IPO13: variants seen among roughly 807,000 people sequenced by gnomAD.
IPO13 encodes importin-13.
A neutral mutation model predicts 115.5 loss-of-function variants in IPO13; 28 were observed. The observed-to-expected ratio is 0.24, with a 90% CI of 0.18 to 0.33. IPO13 has a LOEUF of 0.33. Ranked by LOEUF, IPO13 falls within the 10% of genes least tolerant of loss-of-function variation. The pLI is 1.00. For synonymous variants in IPO13, 414 were observed against 478.9 expected, an observed-to-expected ratio of 0.86 and a Z score of 1.77; for missense variants, 785 against 1,204.6, an observed-to-expected ratio of 0.65 and a Z score of 5.16.
intron 11 of IPO13, among the ~76,000 whole-genome samples, chr1:43,959,680 C>A (rs2085276612): frequency 6.6e-6 from 1 of 152,218 alleles, no homozygotes. Context: ...CTCCCCAACC[C>A]AGTTTCAGTT....
intron 14 of IPO13, among the ~76,000 whole-genome samples, chr1:43,963,844 C>A (rs1351330911): frequency 2.0e-5 from 3 of 152,202 alleles, no homozygotes; most frequent in Non-Finnish European, 2.9e-5. Context: ...CCCCCACCCC[C>A]CCACCGCCAT....
Position 43,952,004 on chromosome 1 carries a change from T to C in IPO13, c.821+1851T>C, listed in dbSNP as rs2085212613. Among the ~76,000 whole-genome samples, 1 of 152,166 alleles carries C rather than the reference T, an allele frequency of 6.6e-6. No individual in the cohort carries two copies. Among genetic ancestry groups the C allele is most frequent in the South Asian group, 2.1e-4 (1 of 4,818 alleles). On this transcript the variant is annotated intron_variant, in intron 2 of 19. Transcript: ENST00000372343. This position sits in a 1 kb window ranked among gnomAD's most constrained non-coding sequence, Gnocchi z 4.7. The stretch of plus-strand genomic sequence containing the variant: ...TGCCCCTGGTGTTCGGTAGAGAATA[T>C]TTTGACTCCTTGAGTAATGGGAGTT...
chr1:43,948,870 C>T (rs766060929), intron 1 of IPO13, among the ~76,000 whole-genome samples: 6 of 152,220 alleles, frequency 3.9e-5, no homozygotes, highest in Admixed American at 3.3e-4. Flanking sequence ...CTCACCCTCT[C>T]CTCCAGCATG....
intron 2 of IPO13, among the ~76,000 whole-genome samples, chr1:43,954,184 G>C (rs1026422408): frequency 6.6e-5 from 10 of 152,162 alleles, no homozygotes; most frequent in Admixed American, 2.0e-4. Context: ...CATAGCCTTG[G>C]CCCTGCCCCT....
intron 7 of IPO13, 145 bp downstream of exon 7, chr1:43,957,694 A>T (rs1235670575): frequency 7.5e-6 from 8 of 1,071,064 alleles, no homozygotes; most frequent in Non-Finnish European, 9.5e-6. Context: ...CTGTCCTGGC[A>T]GGTCTAGGGG....
At chr1:43,964,420 A>G (rs2085308769) in intron 15 of IPO13, 99 bp downstream of exon 15, 1 of 1,036,572 alleles carries the variant, frequency 9.6e-7, no homozygotes, top group African/African-American at 1.6e-5. Flanking sequence ...TCTGTTGACA[A>G]ATTTTTTTTC....
chr1:43,949,305 C>T (rs1277026614), intron 1 of IPO13, 112 bp from the exon 2 acceptor site: 5 of 1,158,054 alleles, frequency 4.3e-6, no homozygotes, highest in Non-Finnish European at 5.9e-6. Context: ...CCCTGCTCAG[C>T]CCCCCAGTCA....
chr1:43,952,478 A>G lies in IPO13; in HGVS notation c.821+2325A>G, dbSNP rs2085216315. 6.6e-6 allele frequency among the ~76,000 whole-genome samples: 1 copy of G among 152,148 alleles called. No homozygotes were observed. Among genetic ancestry groups the G allele is most frequent in the Non-Finnish European group, 1.5e-5 (1 of 68,032 alleles). ...AGCCACCATGCCTGGCCAACTGTTC[A>G]TTTTTTTAAAGAGAAACATAGTTAC... On this transcript the variant is annotated intron_variant, in intron 2 of 19. Coordinates refer to ENST00000372343, the MANE Select transcript of IPO13 (RefSeq NM_014652.4). This position sits in a 1 kb window ranked among gnomAD's most constrained non-coding sequence, Gnocchi z 4.7.
Position 43,964,328 on chromosome 1 carries a change from T to C in IPO13, c.2397+7T>C. On this transcript the variant is annotated splice_region_variant and intron_variant, in intron 15 of 19. Transcript: ENST00000372343. ...TATGCAACTCCTGGCACAGGTGTGT[T>C]TTAGTTTTATTCATTCACGTTCTGT... 1 of 1,583,986 alleles carries C rather than the reference T, an allele frequency of 6.3e-7. No individual in the cohort carries two copies. Among genetic ancestry groups the C allele is most frequent in the Non-Finnish European group, 8.7e-7 (1 of 1,153,208 alleles).
chr1:43,949,516 A>T lies in IPO13; in HGVS notation c.184A>T (p.Ser62Cys). ...GGTCTCCCCACAGGCCTGGCACTTC[A>T]GCTGGCAGCTACTGCAGCCCGACAA... ...AQVSPQAWHF[S>C]WQLLQPDKVP... Residue 62 changes from serine to cysteine, a missense_variant, in exon 2 of 20, where the codon AGC becomes TGC. By Grantham distance (112) the Ser-to-Cys change is moderately radical. Transcript: ENST00000372343. 1 of 1,614,190 alleles carries T rather than the reference A, an allele frequency of 6.2e-7. No homozygotes were observed. The highest frequency in any genetic ancestry group is 8.5e-7 in the Non-Finnish European group (1 of 1,180,016).
chr1:43,956,089 C>T lies in IPO13; in HGVS notation c.822-231C>T, dbSNP rs2085245675. ...GGAGAACACAATTCAACCCATAATG[C>T]TGACCTTCTCATACGTCCTTCTCAG... On this transcript the variant is annotated intron_variant, in intron 2 of 19. Coordinates refer to ENST00000372343, the MANE Select transcript of IPO13 (RefSeq NM_014652.4). This position sits in a 1 kb window ranked among gnomAD's most constrained non-coding sequence, Gnocchi z 4.7. 1.3e-5 allele frequency among the ~76,000 whole-genome samples: 2 copies of T among 151,950 alleles called. No homozygotes were observed. The highest frequency in any genetic ancestry group is 2.9e-5 in the Non-Finnish European group (2 of 68,018).
At chr1:43,959,470 A>G (rs541339024) in intron 11 of IPO13, among the ~76,000 whole-genome samples, 3 of 152,308 alleles carry the variant, frequency 2.0e-5, no homozygotes, top group African/African-American at 7.2e-5. Flanking sequence ...CCCATTAAAA[A>G]CTATGAACAT....
At chr1:43,961,327 GAGCCA>G in intron 14 of IPO13, 65 bp downstream of exon 14, 1 of 1,298,924 alleles carries the variant, frequency 7.7e-7, no homozygotes, top group Non-Finnish European at 1.1e-6. Flanking sequence ...CCCAAATGGG[GAGCCA>G]AAGCTGCCCA....
At chr1:43,960,436 G>T (rs1461856267) in intron 12 of IPO13, 107 bp downstream of exon 12, 1 of 1,038,054 alleles carries the variant, frequency 9.6e-7, no homozygotes, top group Admixed American at 1.8e-5. Flanking sequence ...AGAAAACAAG[G>T]GAGGTGAATC....
Position 43,966,111 on chromosome 1 carries a change from C to T in IPO13, c.2398-464C>T, listed in dbSNP as rs2085322943. ...GGAGCTGGAGGGTGCCTCAGGAATA[C>T]AGGAGGGACATGGGAGGAGGGCTGT... On this transcript the variant is annotated intron_variant, in intron 15 of 19. Transcript: ENST00000372343. This position sits in a 1 kb window ranked among gnomAD's most constrained non-coding sequence, Gnocchi z 4.1. The T allele has an allele frequency of 4.4e-6, 1 of 226,784 alleles. No individual in the cohort carries two copies. Among genetic ancestry groups the T allele is most frequent in the African/African-American group, 2.3e-5 (1 of 44,198 alleles). The allele number at this position is 226,784 out of a possible 1,614,324, so 14.0% of individuals were successfully genotyped here.
At position 43,958,473 on chromosome 1, in the gene IPO13, A is replaced by G; in HGVS notation, c.1762A>G (p.Met588Val). 7 of 1,614,154 alleles carry G rather than the reference A, an allele frequency of 4.3e-6. No homozygotes were observed. Among genetic ancestry groups the G allele is most frequent in the Non-Finnish European group, 5.9e-6 (7 of 1,180,044 alleles). Residue 588 changes from methionine to valine, a missense_variant, in exon 10 of 20, where the codon ATG becomes GTG. By Grantham distance (21) the Met-to-Val change is conservative. Around this residue, in one of 3 missense-constraint regions of IPO13, gnomAD observed 175 missense variants for 360.0 expected, o/e 0.49. Transcript: ENST00000372343. The surrounding 1 kb of genome is among the most constrained non-coding windows in gnomAD (Gnocchi z 6.3). The stretch of plus-strand genomic sequence containing the variant: ...TTCTGCCCCACAGACAAGCCAGTGC[A>G]TGTGGCTGATGCAGGCGCTGGGCTT... Reference protein sequence around the residue: ...MKQIHKTSQCMWLMQALGFLL... With the variant: ...MKQIHKTSQCVWLMQALGFLL...
chr1:43,950,757 TC>T (rs755552915), intron 2 of IPO13, among the ~76,000 whole-genome samples: 23 of 152,364 alleles, frequency 1.5e-4, no homozygotes, highest in Non-Finnish European at 2.6e-4. Flanking sequence ...TGTCCCATGT[TC>T]CTTTCAGCCT....
chr1:43,958,089 CAAG>C lies in IPO13; in HGVS notation c.1658_1660del (p.Lys553del). 6.2e-7 allele frequency: 1 copy of C among 1,614,196 alleles called. No individual in the cohort carries two copies. Among genetic ancestry groups the C allele is most frequent in the Non-Finnish European group, 8.5e-7 (1 of 1,180,010 alleles). On this transcript the variant is annotated inframe_deletion, in exon 8 of 20. Transcript: ENST00000372343. The surrounding 1 kb of genome is among the most constrained non-coding windows in gnomAD (Gnocchi z 6.3). ...TGTCTGTCTCTTCTGTGTCCACCCTCAAGAAGATCTGCCGAGAGTGCAAGTATG... is the reference window on the plus strand; with the variant it reads ...TGTCTGTCTCTTCTGTGTCCACCCTCAAGATCTGCCGAGAGTGCAAGTATG...
chr1:43,949,758 T>C lies in IPO13; in HGVS notation c.426T>C (p.Ala142=). The change falls in exon 2 of 20, where the codon GCT becomes GCC. Residue 142 remains alanine (A), a synonymous_variant. Coordinates refer to ENST00000372343, the MANE Select transcript of IPO13 (RefSeq NM_014652.4). ...TGATGCCTGACGCTTGGCCATGTGC[T>C]GTGGCAGATATGGTACGACTCTTCC... ...LSMMPDAWPC[A]VADMVRLFQA... is the part of the protein sequence containing the mutation. 6.2e-7 allele frequency: 1 copy of C among 1,614,188 alleles called. No individual in the cohort carries two copies.
Sources: allele counts gnomAD v4.1 joint callset (sites outside exome capture counted in the v4.1 genomes callset), GRCh38; gene constraint gnomAD v4.1.1; regional missense constraint gnomAD v4.1.1; non-coding constraint Gnocchi (gnomAD v3.1); transcripts MANE v1.5; gene names NCBI Gene and HGNC (gene_info 2026-07-23, HGNC 2026-07-21).